MEST: variants seen among roughly 807,000 people sequenced by gnomAD.
MEST encodes mesoderm-specific transcript homolog protein.
A neutral mutation model predicts 50.9 loss-of-function variants in MEST; 18 were observed. That is an observed-to-expected ratio of 0.35 (90% CI 0.24 to 0.52). The LOEUF is 0.52. Among genes scored for constraint, MEST ranks in the 20% least tolerant of loss-of-function variants. The pLI is 0.94. For synonymous variants in MEST, 130 were observed against 154.1 expected (o/e 0.84, Z 1.16); for missense variants, 282 against 425.3 (o/e 0.66, Z 2.96).
rs782361025 is a variant in MEST, at chr7:130,504,982, A to G, written c.934A>G (p.Ile312Val). ...RSTVSILDDHISHYPQLEDPM... is the reference protein window; with the variant it reads ...RSTVSILDDHVSHYPQLEDPM... ...CACAGTGTCGATTCTGGATGACCAC[A>G]TTAGCCACTATCCACAGCTAGAGGA... The change falls in exon 12 of 12, where the codon ATT (isoleucine) becomes GTT (valine). Residue 312 changes from isoleucine to valine, a missense_variant. Coordinates refer to ENST00000223215, the MANE Select transcript of MEST (RefSeq NM_002402.4). 3 of 1,613,780 alleles carry G rather than the reference A, an allele frequency of 1.9e-6. No homozygotes were observed. Among genetic ancestry groups the G allele is most frequent in the South Asian group, 2.2e-5 (2 of 91,068 alleles).
chr7:130,496,099 T>G, intron 2 of MEST: 2 of 471,656 alleles, frequency 4.2e-6, no homozygotes, highest in Non-Finnish European at 8.8e-6. Flanking sequence ...GAGAAACAGA[T>G]TGGAAATGAT....
At position 130,505,889 on chromosome 7, in the gene MEST, C is replaced by T. The variant is rs553053358; in HGVS notation, c.*833C>T. 1 of 152,344 alleles carries T rather than the reference C, an allele frequency of 6.6e-6. No individual in the cohort carries two copies. Among genetic ancestry groups the T allele is most frequent in the South Asian group, 2.1e-4 (1 of 4,824 alleles). 9.4% of individuals were successfully genotyped at this position (152,344 alleles called of 1,614,324 possible). On this transcript the variant is annotated 3_prime_UTR_variant, in exon 12 of 12. Coordinates refer to ENST00000223215, the MANE Select transcript of MEST (RefSeq NM_002402.4). ...TAACAGCAAATAACAGTCTGAGACT[C>T]CTCATACCTCAGTGGTTAGAAGCAT...
rs577488327 is a variant in MEST at position 130,502,226 on chromosome 7, T to C, written c.750-418T>C. ...CAGCCTAGGTAACATAGGGAGACCC[T>C]GTCTTTTAAAAAACAAACCAACAAA... On this transcript the variant is annotated intron_variant, in intron 9 of 11. Coordinates refer to ENST00000223215, the MANE Select transcript of MEST (RefSeq NM_002402.4). Among the ~76,000 whole-genome samples, 240 of 152,228 alleles carry C rather than the reference T, an allele frequency of 1.6e-3. 1 individual carries two copies. The highest frequency in any genetic ancestry group is 5.2e-3 in the African/African-American group (217 of 41,542).
Position 130,497,008 on chromosome 7 carries a change from A to G in MEST, c.182-148A>G, listed in dbSNP as rs750152330. On this transcript the variant is annotated intron_variant, in intron 2 of 11. Transcript: ENST00000223215. This position sits in a 1 kb window ranked among gnomAD's most constrained non-coding sequence, Gnocchi z 4.0. The stretch of plus-strand genomic sequence containing the variant: ...GGCCTGTTCTCACCTAACGCAGTTA[A>G]GCTTACATTTTACAAATAATTGTGT... 400 of 581,152 alleles carry G rather than the reference A, an allele frequency of 6.9e-4. 2 individuals are homozygous for G. The highest frequency in any genetic ancestry group is 1.0e-3 in the Non-Finnish European group (343 of 329,202). The allele number at this position is 581,152 out of a possible 1,614,324, so 36.0% of individuals were successfully genotyped here.
chr7:130,496,205 ATTAAG>A (rs1420384128), intron 2 of MEST: 3 of 457,410 alleles, frequency 6.6e-6, no homozygotes, highest in African/African-American at 6.1e-5. Context: ...GCTATATTCA[ATTAAG>A]TAAGTATACA....
intron 10 of MEST, 54 bp downstream of exon 10, chr7:130,502,774 A>G: frequency 7.7e-7 from 1 of 1,297,940 alleles, no homozygotes; most frequent in South Asian, 1.2e-5. Context: ...GGTTAAAGTA[A>G]TCGCAACTCC....
At chr7:130,495,179 C>G (rs1361081702) in intron 1 of MEST, among the ~76,000 whole-genome samples, 189 bp from the exon 2 acceptor site, 2 of 151,798 alleles carry the variant, frequency 1.3e-5, no homozygotes, top group Non-Finnish European at 2.9e-5. Flanking sequence ...GAATGATGAA[C>G]AAATATGGTG....
chr7:130,495,601 GT>G (rs1328750559), intron 2 of MEST, 79 bp downstream of exon 2: 4 of 1,413,810 alleles, frequency 2.8e-6, no homozygotes, highest in Non-Finnish European at 3.9e-6. Context: ...GTGGCTATTG[GT>G]CTCTTGTTGC....
Position 130,500,884 on chromosome 7 carries a change from T to A in MEST, c.743T>A (p.Ile248Asn). ...CGCAACAATGACGGGAACTTAGTCA[T>A]TGACAGGTAAGAAGTTACCCTTTGC... is the stretch of plus-strand genomic sequence containing the variant. The part of the protein sequence containing the change: ...GIRNNDGNLV[I>N]DSLLQYINQR... The change falls in exon 9 of 12, where the codon ATT becomes AAT. Residue 248 changes from isoleucine to asparagine, a missense_variant. Transcript: ENST00000223215. The surrounding 1 kb of genome is among the most constrained non-coding windows in gnomAD (Gnocchi z 5.0). 2 of 1,613,614 alleles carry A rather than the reference T, an allele frequency of 1.2e-6. No individual in the cohort carries two copies. Among genetic ancestry groups the A allele is most frequent in the Non-Finnish European group, 1.7e-6 (2 of 1,179,758 alleles).
Position 130,492,591 on chromosome 7 carries a change from T to G in MEST, c.26+252T>G, listed in dbSNP as rs1409162263. 5.4e-6 allele frequency: 2 copies of G among 372,118 alleles called. No homozygotes were observed. Among genetic ancestry groups the G allele is most frequent in the African/African-American group, 4.2e-5 (2 of 47,788 alleles). The allele number at this position is 372,118 out of a possible 1,614,324, so 23.1% of individuals were successfully genotyped here. A position where few individuals can be genotyped will look rare whatever the true frequency, so the allele number is the denominator to read the frequency against. ...AGACCCCGGGATCGTCGTGGTGAGATTTAGGATTTCTGGACCCCAGCGTCA... is the reference window on the plus strand; with the variant it reads ...AGACCCCGGGATCGTCGTGGTGAGAGTTAGGATTTCTGGACCCCAGCGTCA... On this transcript the variant is annotated intron_variant, in intron 1 of 11. Coordinates refer to ENST00000223215, the MANE Select transcript of MEST (RefSeq NM_002402.4). This position sits in a 1 kb window ranked among gnomAD's most constrained non-coding sequence, Gnocchi z 7.6.
At chr7:130,498,800 C>A in intron 6 of MEST, 1 of 426,932 alleles carries the variant, frequency 2.3e-6, no homozygotes, top group Non-Finnish European at 4.3e-6. Flanking sequence ...CTAGTAACAG[C>A]TATATCAGAA....
exon 1 of MEST, chr7:130,486,284 G>C (rs1798616214): frequency 1.3e-5 from 2 of 152,252 alleles, no homozygotes; most frequent in Non-Finnish European, 2.9e-5. Flanking sequence ...ATTCGTGGCC[G>C]GGTCCTCCCT....
At position 130,497,396 on chromosome 7, in the gene MEST, A is replaced by C; in HGVS notation, c.261+161A>C. 2.1e-6 allele frequency: 1 copy of C among 465,472 alleles called. No homozygotes were observed. Among genetic ancestry groups the C allele is most frequent in the Non-Finnish European group, 3.8e-6 (1 of 264,908 alleles). 28.8% of individuals were successfully genotyped at this position (465,472 alleles called of 1,614,324 possible). A position where few individuals can be genotyped will look rare whatever the true frequency, so the allele number is the denominator to read the frequency against. ...ACATGGCAAAACCCCATCTCTACTA[A>C]AAGTATAAAAATTGGCCAGGCATGG... On this transcript the variant is annotated intron_variant, in intron 3 of 11. Coordinates refer to ENST00000223215, the MANE Select transcript of MEST (RefSeq NM_002402.4). The surrounding 1 kb of genome is among the most constrained non-coding windows in gnomAD (Gnocchi z 4.0).
Position 130,497,323 on chromosome 7 carries a change from G to A in MEST, c.261+88G>A. 1 of 1,035,868 alleles carries A rather than the reference G, an allele frequency of 9.7e-7. No homozygotes were observed. Among genetic ancestry groups the A allele is most frequent in the East Asian group, 2.6e-5 (1 of 37,742 alleles). The allele number at this position is 1,035,868 out of a possible 1,614,324, so 64.2% of individuals were successfully genotyped here. A position where few individuals can be genotyped will look rare whatever the true frequency, so the allele number is the denominator to read the frequency against. The stretch of plus-strand genomic sequence containing the variant: ...TCAAATCCTAGCACTTTGGGAGGCT[G>A]AGGTGGGAGGATGACCTGAGGTCAG... On this transcript the variant is annotated intron_variant, in intron 3 of 11. Coordinates refer to ENST00000223215, the MANE Select transcript of MEST (RefSeq NM_002402.4). The surrounding 1 kb of genome is among the most constrained non-coding windows in gnomAD (Gnocchi z 4.0).
chr7:130,498,690 T>G (rs1187655120), intron 6 of MEST: 8 of 606,568 alleles, frequency 1.3e-5, no homozygotes, highest in Non-Finnish European at 2.0e-5. Flanking sequence ...ACAAACAGCA[T>G]TACAAAGGAT....
rs952406963 is a variant in MEST at position 130,497,723 on chromosome 7, A to T, written c.262-213A>T. 2.0e-5 allele frequency: 12 copies of T among 589,326 alleles called. No individual in the cohort carries two copies. Among genetic ancestry groups the T allele is most frequent in the Non-Finnish European group, 3.6e-5 (12 of 329,794 alleles). The allele number at this position is 589,326 out of a possible 1,614,324, so 36.5% of individuals were successfully genotyped here. On this transcript the variant is annotated intron_variant, in intron 3 of 11. Transcript: ENST00000223215. The surrounding 1 kb of genome is among the most constrained non-coding windows in gnomAD (Gnocchi z 4.0). ...ACTCCTTGGCACTCTGGAAGGGATC[A>T]CTGCCAAGTTACCCTCCCTCAACAG...
intron 2 of MEST, 165 bp from the exon 3 acceptor site, chr7:130,496,991 C>T: frequency 2.0e-6 from 1 of 510,778 alleles, no homozygotes; most frequent in East Asian, 3.4e-5. Flanking sequence ...AAGGCCTGTT[C>T]TCACCTAACG....
intron 5 of MEST, 25 bp from the exon 6 acceptor site, chr7:130,498,392 ATG>A (rs1453272564): frequency 3.1e-6 from 5 of 1,613,762 alleles, no homozygotes; most frequent in African/African-American, 1.3e-5. Context: ...GCTCAGCTAC[ATG>A]TGTGTTTCCT....
intron 2 of MEST, chr7:130,495,884 AG>A (rs1799037817): frequency 1.1e-5 from 3 of 279,746 alleles, no homozygotes; most frequent in South Asian, 6.3e-5. Context: ...TTTTTTCTGT[AG>A]ATTATTTGTA....
Sources: gnomAD v4.1 joint callset for allele counts (sites outside exome capture counted in the v4.1 genomes callset) on GRCh38, gnomAD v4.1.1 for gene constraint, Gnocchi (gnomAD v3.1) non-coding constraint, MANE v1.5 for transcripts, NCBI Gene and HGNC (gene_info 2026-07-23, HGNC 2026-07-21) for gene names.